CDH9: variants seen among roughly 807,000 people sequenced by gnomAD.
The protein encoded by CDH9 is cadherin 9.
Under a neutral mutation model 70.9 loss-of-function variants are expected in CDH9, and 28 were observed. That is an observed-to-expected ratio of 0.40 (90% CI 0.29 to 0.54). CDH9 has a LOEUF of 0.54. Among genes scored for constraint, CDH9 ranks in the 20% least tolerant of loss-of-function variants. The pLI is 0.59. For synonymous variants in CDH9, 409 were observed against 343.1 expected (o/e 1.19, Z -2.12); for missense variants, 874 against 984.4 (o/e 0.89, Z 1.50).
intron 1 of CDH9, among the ~76,000 whole-genome samples, chr5:27,000,432 C>T (rs1742744289): frequency 6.6e-6 from 1 of 152,024 alleles, no homozygotes; most frequent in African/African-American, 2.4e-5. Context: ...AATGATACTG[C>T]CACTTTGGAA....
intron 1 of CDH9, among the ~76,000 whole-genome samples, chr5:27,002,719 A>G (rs1425076566): frequency 6.6e-6 from 1 of 151,990 alleles, no homozygotes; most frequent in East Asian, 1.9e-4. Context: ...GAATTGAACA[A>G]TGAGAACACT....
At chr5:26,943,527 A>C (rs1465820094) in intron 2 of CDH9, among the ~76,000 whole-genome samples, 4 of 151,352 alleles carry the variant, frequency 2.6e-5, no homozygotes, top group South Asian at 4.2e-4. Flanking sequence ...AAAAAAAAAA[A>C]AGCTAACTCA....
chr5:26,885,130 C>G (rs1230232294), intron 11 of CDH9, among the ~76,000 whole-genome samples: 2 of 152,060 alleles, frequency 1.3e-5, no homozygotes, highest in East Asian at 1.9e-4. Context: ...CAGTTAGTAA[C>G]TATAAGGGCA....
intron 2 of CDH9, among the ~76,000 whole-genome samples, chr5:26,951,823 G>C (rs1021651209): frequency 6.6e-6 from 1 of 152,060 alleles, no homozygotes; most frequent in South Asian, 2.1e-4. Flanking sequence ...TTTAATCAGA[G>C]ATATCCTCAG....
chr5:26,911,977 T>C (rs536349004), intron 3 of CDH9, among the ~76,000 whole-genome samples: 34 of 151,816 alleles, frequency 2.2e-4, no homozygotes, highest in African/African-American at 7.5e-4. Flanking sequence ...AACAAATACT[T>C]TAAGAAATAA....
chr5:26,945,217 C>G (rs1343408013), intron 2 of CDH9, among the ~76,000 whole-genome samples: 1 of 147,960 alleles, frequency 6.8e-6, no homozygotes, highest in Non-Finnish European at 1.5e-5. Flanking sequence ...TTTTTTTTTT[C>G]CCTCACCTGA....
At chr5:26,914,355 G>T (rs918508348) in intron 3 of CDH9, among the ~76,000 whole-genome samples, 1 of 151,504 alleles carries the variant, frequency 6.6e-6, no homozygotes, top group Non-Finnish European at 1.5e-5. Context: ...AAAAAACATG[G>T]TATGTGTTTA....
chr5:26,932,401 C>T (rs1741478671), intron 2 of CDH9, among the ~76,000 whole-genome samples: 1 of 149,124 alleles, frequency 6.7e-6, no homozygotes. Flanking sequence ...TATGCATTAA[C>T]AATAAAAGAA....
In CDH9 at chr5:26,885,707, T is replaced by G. The variant is rs754356776; in HGVS notation, c.1789A>C (p.Met597Leu). ...AGGGCTTCTGCGGTGCAGGATTGCA[T>G]GTTTCCTTGATTATCGCAGGCACAC... ...RVCACDNQGN[M>L]QSCTAEALIL... Residue 597 changes from methionine to leucine, a missense_variant, in exon 11 of 12, where the codon ATG becomes CTG. Coordinates refer to ENST00000231021, the MANE Select transcript of CDH9 (RefSeq NM_016279.4). 1 of 1,613,556 alleles carries G rather than the reference T, an allele frequency of 6.2e-7. No individual in the cohort carries two copies. Among genetic ancestry groups the G allele is most frequent in the Admixed American group, 1.7e-5 (1 of 59,854 alleles).
chr5:26,919,027 T>G (rs949186691), intron 2 of CDH9, among the ~76,000 whole-genome samples: 3 of 152,098 alleles, frequency 2.0e-5, no homozygotes, highest in Admixed American at 1.3e-4. Flanking sequence ...GGCAGCCAAG[T>G]TCAAGCCTAC....
At chr5:26,899,730 G>A (rs913328421) in intron 7 of CDH9, among the ~76,000 whole-genome samples, 1 of 151,868 alleles carries the variant, frequency 6.6e-6, no homozygotes, top group African/African-American at 2.4e-5. Context: ...GGTTGGGGGA[G>A]CTAGGGGAGG....
intron 2 of CDH9, among the ~76,000 whole-genome samples, chr5:26,953,671 T>C (rs1741891471): frequency 2.0e-5 from 3 of 152,190 alleles, no homozygotes; most frequent in Non-Finnish European, 4.4e-5. Context: ...CACATGCCTA[T>C]ACCTTTTGTT....
Position 26,880,994 on chromosome 5 carries a change from G to T in CDH9, c.*142C>A. The T allele has an allele frequency of 1.4e-6, 1 of 689,932 alleles. No individual in the cohort carries two copies. Among genetic ancestry groups the T allele is most frequent in the Non-Finnish European group, 2.4e-6 (1 of 418,200 alleles). 42.7% of individuals were successfully genotyped at this position (689,932 alleles called of 1,614,324 possible). On this transcript the variant is annotated 3_prime_UTR_variant, in exon 12 of 12. Coordinates refer to ENST00000231021, the MANE Select transcript of CDH9 (RefSeq NM_016279.4). The stretch of plus-strand genomic sequence containing the variant: ...TCATTCACAAAGACTTACTGATTAA[G>T]CAAATCCCTACTTGACAACATCTAC...
At chr5:27,010,672 C>G (rs150795899) in intron 1 of CDH9, among the ~76,000 whole-genome samples, 19 of 152,220 alleles carry the variant, frequency 1.2e-4, no homozygotes, top group Non-Finnish European at 2.8e-4. Context: ...AAAAATTCAT[C>G]TTCATCTTTT....
intron 1 of CDH9, among the ~76,000 whole-genome samples, chr5:26,990,017 T>C (rs1248783471): frequency 6.6e-6 from 1 of 152,184 alleles, no homozygotes; most frequent in Non-Finnish European, 1.5e-5. Flanking sequence ...GTCATGCAAG[T>C]AATAAGTATT....
chr5:27,007,502 G>T (rs963949834), intron 1 of CDH9, among the ~76,000 whole-genome samples: 2 of 152,112 alleles, frequency 1.3e-5, no homozygotes, highest in South Asian at 4.1e-4. Flanking sequence ...AATTATTCAA[G>T]AGTTTATTAT....
At chr5:26,918,623 C>T (rs897697353) in intron 2 of CDH9, among the ~76,000 whole-genome samples, 28 of 152,142 alleles carry the variant, frequency 1.8e-4, no homozygotes, top group Non-Finnish European at 1.0e-4. Flanking sequence ...GATTGCACAC[C>T]TCAGTATGGG....
chr5:26,975,729 C>G (rs1742293782), intron 2 of CDH9, among the ~76,000 whole-genome samples: 1 of 152,080 alleles, frequency 6.6e-6, no homozygotes, highest in East Asian at 1.9e-4. Context: ...TGACACTGGC[C>G]ACCAACCAAA....
chr5:27,027,723 T>G (rs1398756157), intron 1 of CDH9, among the ~76,000 whole-genome samples: 1 of 152,036 alleles, frequency 6.6e-6, no homozygotes, highest in African/African-American at 2.4e-5. Context: ...TGGGACAATT[T>G]GCACCCAGAA....
Sources: allele counts gnomAD v4.1 joint callset (sites outside exome capture counted in the v4.1 genomes callset), GRCh38; gene constraint gnomAD v4.1.1; transcripts MANE v1.5; gene names NCBI Gene and HGNC (gene_info 2026-07-23, HGNC 2026-07-21).